Variants in RAPGEF5 observed in about 807,000 individuals in gnomAD.
The protein encoded by RAPGEF5 is Rap guanine nucleotide exchange factor 5.
Under a neutral mutation model 125.2 loss-of-function variants are expected in RAPGEF5, and 65 were observed. The observed-to-expected ratio is 0.52, with a 90% confidence interval of 0.43 to 0.64. The LOEUF is 0.64. RAPGEF5 is among the 30% of genes least tolerant of loss of function. RAPGEF5 has a pLI of 0.00. For synonymous variants in RAPGEF5, 391 were observed against 385.9 expected (o/e 1.01, Z -0.16); for missense variants, 958 against 1,048.1 (o/e 0.91, Z 1.19).
At chr7:22,315,260 C>T in intron 3 of RAPGEF5, 110 bp downstream of exon 3, 6 of 1,299,830 alleles carry the variant, frequency 4.6e-6, no homozygotes, top group Admixed American at 2.7e-5. Flanking sequence ...AACAAACCCT[C>T]CTACTACTGA....
chr7:22,296,592 A>C (rs890872164), intron 5 of RAPGEF5, among the ~76,000 whole-genome samples: 13 of 151,902 alleles, frequency 8.6e-5, no homozygotes, highest in Admixed American at 7.9e-4. Flanking sequence ...AAGCCCAATA[A>C]AAAAAAGTGG....
intron 1 of RAPGEF5, among the ~76,000 whole-genome samples, chr7:22,351,601 ACTCATAGG>A (rs34685491): frequency 0.13 from 19,495 of 152,114 alleles, 1,408 homozygotes; most frequent in Admixed American, 0.18. Flanking sequence ...GCAGCATCTA[ACTCATAGG>A]CTCATAGGCT....
intron 9 of RAPGEF5, among the ~76,000 whole-genome samples, chr7:22,217,041 G>A (rs1017695544): frequency 6.6e-6 from 1 of 152,122 alleles, no homozygotes; most frequent in Non-Finnish European, 1.5e-5. Context: ...TCTCTCTTTG[G>A]CATCTATGTG....
intron 19 of RAPGEF5, among the ~76,000 whole-genome samples, chr7:22,145,860 G>A (rs1489410952): frequency 6.6e-6 from 1 of 152,150 alleles, no homozygotes; most frequent in African/African-American, 2.4e-5. Flanking sequence ...AATGAGATTA[G>A]GGCAAGGTCT....
chr7:22,119,870 C>T lies in RAPGEF5; in HGVS notation c.*2536G>A, dbSNP rs1178526193. 1 of 152,224 alleles carries T rather than the reference C, an allele frequency of 6.6e-6. No homozygotes were observed. Among genetic ancestry groups the T allele is most frequent in the Non-Finnish European group, 1.5e-5 (1 of 68,056 alleles). The allele number at this position is 152,224 out of a possible 1,614,324, so 9.4% of individuals were successfully genotyped here. On this transcript the variant is annotated 3_prime_UTR_variant, in exon 26 of 26. Coordinates refer to ENST00000665637, the MANE Select transcript of RAPGEF5 (RefSeq NM_012294.5). This position sits in a 1 kb window ranked among gnomAD's most constrained non-coding sequence, Gnocchi z 4.1. The stretch of plus-strand genomic sequence containing the variant: ...ATCCAGAGAGGGTGCATGGCCCATC[C>T]TATTAACAAGGAGCACTCAAGCCCC...
intron 7 of RAPGEF5, among the ~76,000 whole-genome samples, chr7:22,231,585 C>T (rs1786058994): frequency 6.6e-6 from 1 of 152,188 alleles, no homozygotes; most frequent in Admixed American, 6.5e-5. Context: ...TTGCTTATCT[C>T]ATGGCATCTG....
chr7:22,346,700 C>A (rs1784231053), intron 1 of RAPGEF5, among the ~76,000 whole-genome samples: 1 of 152,060 alleles, frequency 6.6e-6, no homozygotes, highest in Non-Finnish European at 1.5e-5. Flanking sequence ...GTTGCTAGAC[C>A]AGTTGGAAAA....
At chr7:22,151,771 T>C (rs1316936015) in intron 17 of RAPGEF5, among the ~76,000 whole-genome samples, 1 of 152,222 alleles carries the variant, frequency 6.6e-6, no homozygotes, top group Non-Finnish European at 1.5e-5. Context: ...GTCTGATCAT[T>C]ACTTTTGGTA....
rs142804995 is a variant in RAPGEF5 at position 22,356,238 on chromosome 7, G to C, written c.231+592C>G. The C allele has an allele frequency of 1.1e-5, 11 of 985,424 alleles. No homozygotes were observed. The Admixed American group carries it at 2.5e-4, about 22-fold the overall frequency. 61.0% of individuals were successfully genotyped at this position (985,424 alleles called of 1,614,324 possible). On this transcript the variant is annotated intron_variant, in intron 1 of 25. Transcript: ENST00000665637. ...GGAAGTCAATATTGAAGGTTCTTGG[G>C]GGCGTGCACCCTCCTGCTCAAGAGG...
chr7:22,314,047 G>A (rs1783535546), intron 3 of RAPGEF5, among the ~76,000 whole-genome samples: 1 of 152,162 alleles, frequency 6.6e-6, no homozygotes, highest in African/African-American at 2.4e-5. Context: ...GAATACGCAT[G>A]TCTAGCCTAT....
intron 11 of RAPGEF5, among the ~76,000 whole-genome samples, chr7:22,178,150 CTAA>C (rs1784566082): frequency 2.0e-5 from 3 of 151,868 alleles, no homozygotes; most frequent in Admixed American, 2.0e-4. Flanking sequence ...CCACAAATTC[CTAA>C]TGTTTTTAAG....
intron 15 of RAPGEF5, among the ~76,000 whole-genome samples, chr7:22,157,511 C>T (rs144487386): frequency 8.5e-4 from 129 of 152,328 alleles, no homozygotes; most frequent in African/African-American, 3.0e-3. Flanking sequence ...CTTCTTTCCT[C>T]TTAGAGTCAA....
intron 7 of RAPGEF5, among the ~76,000 whole-genome samples, chr7:22,240,582 A>G (rs1356777080): frequency 6.6e-6 from 1 of 152,146 alleles, no homozygotes; most frequent in Non-Finnish European, 1.5e-5. Flanking sequence ...CATGTTGGCC[A>G]GGCTGGTCTT....
chr7:22,297,050 A>C (rs1024402012), intron 5 of RAPGEF5, among the ~76,000 whole-genome samples: 1 of 152,236 alleles, frequency 6.6e-6, no homozygotes, highest in South Asian at 2.1e-4. Flanking sequence ...AGAATAGAAG[A>C]GGTAGAGAAA....
At chr7:22,223,228 A>G (rs1244084393) in intron 8 of RAPGEF5, among the ~76,000 whole-genome samples, 1 of 152,158 alleles carries the variant, frequency 6.6e-6, no homozygotes, top group Non-Finnish European at 1.5e-5. Context: ...AGTGGCTCCA[A>G]GAAGAGAATC....
intron 6 of RAPGEF5, among the ~76,000 whole-genome samples, chr7:22,271,603 C>A (rs979765203): frequency 6.6e-6 from 1 of 152,146 alleles, no homozygotes; most frequent in Non-Finnish European, 1.5e-5. Context: ...AACAACTATG[C>A]AATTCAAAAC....
intron 9 of RAPGEF5, among the ~76,000 whole-genome samples, chr7:22,217,116 C>G (rs1264390285): frequency 6.6e-6 from 1 of 152,220 alleles, no homozygotes; most frequent in Non-Finnish European, 1.5e-5. Flanking sequence ...AACTTGGATT[C>G]TAACTCAAAT....
chr7:22,210,463 A>T, intron 9 of RAPGEF5, among the ~76,000 whole-genome samples: 1 of 152,148 alleles, frequency 6.6e-6, no homozygotes, highest in East Asian at 1.9e-4. Context: ...ACCTTGACAC[A>T]TTCCACCCCG....
intron 7 of RAPGEF5, among the ~76,000 whole-genome samples, chr7:22,250,947 T>C (rs1786603457): frequency 6.6e-6 from 1 of 152,114 alleles, no homozygotes. Flanking sequence ...ACACCCAGTG[T>C]AGGAGTCAAA....
Sources: gnomAD v4.1 joint callset for allele counts (sites outside exome capture counted in the v4.1 genomes callset) on GRCh38, gnomAD v4.1.1 for gene constraint, Gnocchi (gnomAD v3.1) non-coding constraint, MANE v1.5 for transcripts, NCBI Gene and HGNC (gene_info 2026-07-23, HGNC 2026-07-21) for gene names.